LAMA2: variants seen among roughly 807,000 people sequenced by gnomAD.
LAMA2 encodes the protein laminin subunit alpha-2.
LAMA2 carries 269 observed loss-of-function variants against 364.8 expected under a neutral mutation model. That is an observed-to-expected ratio of 0.74 (90% CI 0.67 to 0.82). The LOEUF (loss-of-function observed/expected upper bound fraction) is 0.82, where lower values mean the gene tolerates loss of function less well. LAMA2 is among the 40% of genes least tolerant of loss of function. The pLI is 0.00. For synonymous variants in LAMA2, 1,379 were observed against 1,370.6 expected (o/e 1.01, Z -0.14); for missense variants, 3,807 against 3,873.2 (o/e 0.98, Z 0.45).
Position 129,492,502 on chromosome 6 carries a change from C to T in LAMA2, c.8244+19C>T. The T allele has an allele frequency of 1.2e-6, 2 of 1,609,638 alleles. No homozygotes were observed. The highest frequency in any genetic ancestry group is 1.7e-6 in the Non-Finnish European group (2 of 1,176,050). ...GACACATGTAAGTGTTTATATTATC[C>T]CCATTGCTTTCTAATTTTTACCCAG... On this transcript the variant is annotated intron_variant, in intron 58 of 64. Coordinates refer to ENST00000421865, the MANE Select transcript of LAMA2 (RefSeq NM_000426.4).
intron 12 of LAMA2, among the ~76,000 whole-genome samples, chr6:129,229,135 C>G (rs1030982585): frequency 3.3e-5 from 5 of 151,996 alleles, no homozygotes. Flanking sequence ...AGCTTACATT[C>G]TAGTTAGAAG....
At chr6:129,423,401 T>C (rs942272079) in intron 40 of LAMA2, among the ~76,000 whole-genome samples, 3 of 151,932 alleles carry the variant, frequency 2.0e-5, no homozygotes, top group African/African-American at 7.3e-5. Flanking sequence ...ACTATAGAAG[T>C]CTAAGCATAA....
At chr6:129,233,728 A>T (rs1300746560) in intron 12 of LAMA2, among the ~76,000 whole-genome samples, 1 of 152,140 alleles carries the variant, frequency 6.6e-6, no homozygotes, top group Non-Finnish European at 1.5e-5. Flanking sequence ...TCAGGTGTCA[A>T]CTGTATATGA....
chr6:128,950,428 G>A (rs1028313753), intron 1 of LAMA2, among the ~76,000 whole-genome samples: 1 of 152,076 alleles, frequency 6.6e-6, no homozygotes. Flanking sequence ...ATGGAAGATG[G>A]GTGAGGAGCC....
intron 40 of LAMA2, among the ~76,000 whole-genome samples, chr6:129,415,330 C>A (rs754961325): frequency 6.6e-6 from 1 of 152,042 alleles, no homozygotes; most frequent in Non-Finnish European, 1.5e-5. Flanking sequence ...TGCTTGATTG[C>A]CAGTTGCTCT....
chr6:129,283,344 C>T (rs1242457941), intron 18 of LAMA2, among the ~76,000 whole-genome samples: 1 of 151,946 alleles, frequency 6.6e-6, no homozygotes, highest in Admixed American at 6.6e-5. Context: ...CTGAGGATAC[C>T]TGCCTGATCG....
intron 1 of LAMA2, among the ~76,000 whole-genome samples, chr6:128,953,183 G>A (rs1780938291): frequency 6.6e-6 from 1 of 152,126 alleles, no homozygotes; most frequent in South Asian, 2.1e-4. Flanking sequence ...GCTAGCAAAT[G>A]ACAACTGGAA....
chr6:128,901,272 A>C (rs949693228), intron 1 of LAMA2, among the ~76,000 whole-genome samples: 2 of 152,222 alleles, frequency 1.3e-5, no homozygotes, highest in African/African-American at 4.8e-5. Context: ...TATTGTTATA[A>C]TACTGCAATT....
In LAMA2 at chr6:128,928,839, A is replaced by G. The variant is rs765401485; in HGVS notation, c.112+45482A>G. 8.3e-4 allele frequency among the ~76,000 whole-genome samples: 127 copies of G among 152,188 alleles called. 2 individuals carry two copies. Among genetic ancestry groups the G allele is most frequent in the Admixed American group, 5.4e-3 (83 of 15,280 alleles). On this transcript the variant is annotated intron_variant, in intron 1 of 64. Transcript: ENST00000421865. ...AGCTCCTGCTGGCTTCTTTGTATAC[A>G]CTGTTCACCAATTTGAGTAAAGTGG...
Position 129,270,817 on chromosome 6 carries a change from A to G in LAMA2, c.2450+66A>G. On this transcript the variant is annotated intron_variant, in intron 17 of 64. Coordinates refer to ENST00000421865, the MANE Select transcript of LAMA2 (RefSeq NM_000426.4). ...TTTCTGCAAGTACACTTTTCATAGC[A>G]AATATACACTTCCTTTTATCCCATG... 2.7e-6 allele frequency: 4 copies of G among 1,464,638 alleles called. No homozygotes were observed. In the East Asian group the frequency reaches 6.8e-5, roughly 25 times the overall value. The allele number at this position is 1,464,638 out of a possible 1,614,324, so 90.7% of individuals were successfully genotyped here.
chr6:129,117,791 G>A (rs9492241), intron 4 of LAMA2, among the ~76,000 whole-genome samples: 38,981 of 152,014 alleles, frequency 0.26, 5,781 homozygotes, highest in African/African-American at 0.42. Context: ...GTACACTCTT[G>A]TTGTTCCCAT....
intron 3 of LAMA2, among the ~76,000 whole-genome samples, chr6:129,087,833 A>G (rs959507399): frequency 4.6e-5 from 7 of 151,688 alleles, no homozygotes; most frequent in African/African-American, 1.7e-4. Flanking sequence ...GAAGGATAAG[A>G]AAATGGGGCA....
chr6:129,499,577 C>A (rs947859839), intron 58 of LAMA2, among the ~76,000 whole-genome samples: 2 of 152,120 alleles, frequency 1.3e-5, no homozygotes, highest in Non-Finnish European at 2.9e-5. Flanking sequence ...CTCACTTGTT[C>A]CCCCTTTAAA....
At chr6:128,890,984 C>T (rs1383296812) in intron 1 of LAMA2, among the ~76,000 whole-genome samples, 2 of 152,088 alleles carry the variant, frequency 1.3e-5, no homozygotes, top group Non-Finnish European at 2.9e-5. Flanking sequence ...AAAAGTCTTC[C>T]AATCTCCCAG....
At chr6:129,308,488 G>A (rs917453619) in intron 22 of LAMA2, among the ~76,000 whole-genome samples, 10 of 152,242 alleles carry the variant, frequency 6.6e-5, no homozygotes, top group South Asian at 2.1e-4. Flanking sequence ...CTATGAAAAC[G>A]TAGTTATATG....
At chr6:129,467,171 C>T (rs181174653) in intron 51 of LAMA2, among the ~76,000 whole-genome samples, 1 of 151,704 alleles carries the variant, frequency 6.6e-6, no homozygotes, top group Non-Finnish European at 1.5e-5. Context: ...ACTATGCAGC[C>T]ATAAAAAAAG....
intron 18 of LAMA2, among the ~76,000 whole-genome samples, chr6:129,285,360 A>T (rs1789030883): frequency 6.6e-6 from 1 of 152,116 alleles, no homozygotes; most frequent in South Asian, 2.1e-4. Flanking sequence ...TTTTCCTTAC[A>T]CGTCCTGCAA....
At position 129,171,969 on chromosome 6, in the gene LAMA2, G is replaced by A. The variant is rs1255442880; in HGVS notation, c.1307-5737G>A. Reference sequence around the variant, plus strand: ...CCCTTTCTTCCAGTTGATCGCATCGGCTCCTGAGGCTTCTGCATTCTTCAC... The same window carrying A: ...CCCTTTCTTCCAGTTGATCGCATCGACTCCTGAGGCTTCTGCATTCTTCAC... On this transcript the variant is annotated intron_variant, in intron 9 of 64. Coordinates refer to ENST00000421865, the MANE Select transcript of LAMA2 (RefSeq NM_000426.4). Among the ~76,000 whole-genome samples, 631 of 122,894 alleles carry A rather than the reference G, an allele frequency of 5.1e-3. 5 individuals are homozygous for A. Among genetic ancestry groups the A allele is most frequent in the African/African-American group, 0.019 (607 of 31,490 alleles). The allele number at this position is 122,894 out of a possible 152,430, so 80.6% of individuals were successfully genotyped here.
chr6:129,179,541 T>G (rs1039409040), intron 10 of LAMA2, among the ~76,000 whole-genome samples: 2 of 152,152 alleles, frequency 1.3e-5, no homozygotes, highest in Admixed American at 1.3e-4. Context: ...AGCTACTTAC[T>G]GCCTGCTCTC....
Sources: allele counts gnomAD v4.1 joint callset (sites outside exome capture counted in the v4.1 genomes callset), GRCh38; gene constraint gnomAD v4.1.1; transcripts MANE v1.5; gene names NCBI Gene and HGNC (gene_info 2026-07-23, HGNC 2026-07-21).